The following CAPN14 variants were observed in gnomAD, a reference collection of about 807,000 sequenced individuals.
CAPN14 encodes the protein calpain-14.
In CAPN14, 94 loss-of-function variants were observed where a neutral mutation model predicts 101.3. The observed-to-expected ratio is 0.93, with a 90% confidence interval of 0.79 to 1.10. CAPN14 has a LOEUF of 1.10. Ranked by LOEUF, CAPN14 falls within the 50% of genes least tolerant of loss-of-function variation. The pLI, the probability that CAPN14 is intolerant of heterozygous loss-of-function variation, is 0.00. For missense variants in CAPN14, 837 were observed against 828.4 expected (o/e 1.01, Z -0.13); for synonymous variants, 338 against 317.9 (o/e 1.06, Z -0.67).
In CAPN14 at chr2:31,189,137, C is replaced by G. The variant is rs534181564; in HGVS notation, c.1493+136G>C. On this transcript the variant is annotated intron_variant, in intron 13 of 21. Coordinates refer to ENST00000403897, the MANE Select transcript of CAPN14 (RefSeq NM_001145122.2). ...GGGATGTTCTCCATGCAGAAAGTCACCTGGTCTCCTGCTCTCCCCATCTCC... is the reference window on the plus strand; with the variant it reads ...GGGATGTTCTCCATGCAGAAAGTCAGCTGGTCTCCTGCTCTCCCCATCTCC... 1.3e-4 allele frequency: 99 copies of G among 741,992 alleles called. 1 individual carries two copies. Among genetic ancestry groups the G allele is most frequent in the Middle Eastern group, 7.7e-4 (2 of 2,610 alleles). The allele number at this position is 741,992 out of a possible 1,614,324, so 46.0% of individuals were successfully genotyped here.
chr2:31,204,576 C>A (rs1348797517), intron 2 of CAPN14, among the ~76,000 whole-genome samples: 3 of 152,094 alleles, frequency 2.0e-5, no homozygotes, highest in Non-Finnish European at 4.4e-5. Flanking sequence ...TGTAATCAAT[C>A]ATGCCTAGGT....
At position 31,205,517 on chromosome 2, in the gene CAPN14, C is replaced by G; in HGVS notation, c.-52-18G>C. The stretch of plus-strand genomic sequence containing the variant: ...TGCTGCTCCTGAAATGGAGAGAGGA[C>G]GGTCAGTTTCCTCACTTCCTCCTTG... On this transcript the variant is annotated intron_variant, in intron 1 of 21. Coordinates refer to ENST00000403897, the MANE Select transcript of CAPN14 (RefSeq NM_001145122.2). The G allele has an allele frequency of 7.9e-7, 1 of 1,266,142 alleles. No homozygotes were observed. 78.4% of individuals were successfully genotyped at this position (1,266,142 alleles called of 1,614,324 possible).
intron 1 of CAPN14, among the ~76,000 whole-genome samples, chr2:31,213,884 A>G (rs1239156210): frequency 6.6e-6 from 1 of 152,240 alleles, no homozygotes; most frequent in Non-Finnish European, 1.5e-5. Context: ...CCTGTTCATA[A>G]AAGATGAAAT....
intron 3 of CAPN14, 25 bp from the exon 4 acceptor site, chr2:31,202,277 T>C (rs1681834556): frequency 6.6e-7 from 1 of 1,521,238 alleles, no homozygotes; most frequent in Middle Eastern, 1.7e-4. Context: ...ACACAGCATC[T>C]GCATGAATCT....
chr2:31,187,675 G>A (rs2148678200), intron 15 of CAPN14, 83 bp downstream of exon 15: 2 of 1,241,422 alleles, frequency 1.6e-6, no homozygotes, highest in Non-Finnish European at 2.3e-6. Flanking sequence ...CCTCAAGCAG[G>A]TGCAAACCTA....
At chr2:31,221,612 G>A (rs185573752), upstream of CAPN14, among the ~76,000 whole-genome samples, 192 of 151,928 alleles carry the variant, frequency 1.3e-3, 1 homozygote, top group African/African-American at 4.2e-3. Context: ...ATCTTTCTTG[G>A]CAGAAAATGT....
intron 1 of CAPN14, among the ~76,000 whole-genome samples, chr2:31,207,253 C>T: frequency 6.6e-6 from 1 of 152,148 alleles, no homozygotes; most frequent in East Asian, 1.9e-4. Context: ...GTCCTTTCCC[C>T]AGGAAGCCCT....
At chr2:31,176,908 C>T (rs902055403) in intron 20 of CAPN14, 118 bp downstream of exon 20, 7 of 782,470 alleles carry the variant, frequency 8.9e-6, no homozygotes, top group Non-Finnish European at 1.5e-5. Context: ...CCACAGCTTC[C>T]CTGGTCTGCT....
intron 7 of CAPN14, among the ~76,000 whole-genome samples, chr2:31,198,688 G>C (rs953373896): frequency 2.0e-5 from 3 of 152,198 alleles, no homozygotes; most frequent in African/African-American, 7.2e-5. Flanking sequence ...ATTTGAAACA[G>C]AGTTAAAGGA....
intron 1 of CAPN14, among the ~76,000 whole-genome samples, chr2:31,211,907 G>T (rs1682419518): frequency 1.3e-5 from 2 of 152,280 alleles, no homozygotes; most frequent in East Asian, 3.9e-4. Flanking sequence ...CTAGGAGAGG[G>T]AATTGCTCAG....
intron 12 of CAPN14, 56 bp downstream of exon 12, chr2:31,191,343 T>G (rs1014337195): frequency 2.4e-5 from 36 of 1,511,742 alleles, no homozygotes; most frequent in Non-Finnish European, 3.1e-5. Flanking sequence ...TGTGGAGGCT[T>G]GGCCACATGT....
intron 6 of CAPN14, 92 bp from the exon 7 acceptor site, chr2:31,199,624 T>C: frequency 1.0e-6 from 1 of 1,002,330 alleles, no homozygotes; most frequent in African/African-American, 1.6e-5. Context: ...AGCAGGGGTT[T>C]ATGGAGAGAA....
chr2:31,217,343 C>T (rs1682698407), intron 1 of CAPN14, 113 bp downstream of exon 1: 1 of 152,228 alleles, frequency 6.6e-6, no homozygotes, highest in African/African-American at 2.4e-5. Flanking sequence ...ACCTGCAAAG[C>T]TCAAACCAGG....
chr2:31,199,651 T>C (rs1268141743), intron 6 of CAPN14, 119 bp from the exon 7 acceptor site: 2 of 744,792 alleles, frequency 2.7e-6, no homozygotes, highest in Non-Finnish European at 2.2e-6. Context: ...GAGATAATCA[T>C]GGTATGGTAC....
chr2:31,227,410 A>G (rs994858906), intron 1 of CAPN14, among the ~76,000 whole-genome samples: 2 of 152,072 alleles, frequency 1.3e-5, no homozygotes, highest in African/African-American at 4.8e-5. Context: ...CTCTTTCTTC[A>G]TCTCCTTTTT....
rs1050322801 is a variant in CAPN14 at position 31,230,283 on chromosome 2, T to G, written c.-177+3508A>C. Among the ~76,000 whole-genome samples, 1 of 152,232 alleles carries G rather than the reference T, an allele frequency of 6.6e-6. No homozygotes were observed. The highest frequency in any genetic ancestry group is 1.5e-5 in the Non-Finnish European group (1 of 68,040). The stretch of plus-strand genomic sequence containing the variant: ...TGAAGGACATTTAGTTGTTTATAAA[T>G]TTTTGCTGCTACAAATAATGTTGCC... On this transcript the variant is annotated intron_variant and NMD_transcript_variant, in intron 1 of 21. Coordinates refer to the CAPN14 transcript ENST00000398824. This position sits in a 1 kb window ranked among gnomAD's most constrained non-coding sequence, Gnocchi z 4.3.
chr2:31,199,120 G>T (rs1288184112), intron 7 of CAPN14, among the ~76,000 whole-genome samples: 6 of 152,214 alleles, frequency 3.9e-5, no homozygotes, highest in African/African-American at 1.4e-4. Flanking sequence ...CTGTCATAAA[G>T]AAGTGTGTCA....
chr2:31,202,047 G>A, intron 4 of CAPN14, 49 bp from the exon 5 acceptor site: 1 of 1,550,026 alleles, frequency 6.5e-7, no homozygotes, highest in Non-Finnish European at 8.7e-7. Flanking sequence ...TGCAGATGGT[G>A]ATCAGCCCAG....
intron 9 of CAPN14, 145 bp from the exon 10 acceptor site, chr2:31,193,439 C>T (rs11124249): frequency 0.49 from 384,637 of 778,180 alleles, 99,339 homozygotes; most frequent in East Asian, 0.63. Flanking sequence ...GCTGAGCTGA[C>T]GATAGGCACA....
Sources: allele counts gnomAD v4.1 joint callset (sites outside exome capture counted in the v4.1 genomes callset), GRCh38; gene constraint gnomAD v4.1.1; non-coding constraint Gnocchi (gnomAD v3.1); transcripts MANE v1.5; gene names NCBI Gene and HGNC (gene_info 2026-07-23, HGNC 2026-07-21).